RGS20: variants seen among roughly 807,000 people sequenced by gnomAD.
The protein encoded by RGS20 is regulator of G protein signaling 20.
Under a neutral mutation model 33.6 loss-of-function variants are expected in RGS20, and 30 were observed. That is an observed-to-expected ratio of 0.89 (90% CI 0.67 to 1.21). The LOEUF is 1.21. Among genes scored for constraint, RGS20 ranks in the 50% most tolerant of loss-of-function variants. The pLI is 0.00. For synonymous variants in RGS20, 208 were observed against 197.9 expected, an observed-to-expected ratio of 1.05 and a Z score of -0.43; for missense variants, 472 against 502.4, an observed-to-expected ratio of 0.94 and a Z score of 0.58.
chr8:53,859,839 C>T (rs1039155788), intron 1 of RGS20, among the ~76,000 whole-genome samples: 8 of 152,178 alleles, frequency 5.3e-5, no homozygotes, highest in South Asian at 2.1e-4. Context: ...ATAAAGCCGT[C>T]GGATCTCATG....
intron 4 of RGS20, among the ~76,000 whole-genome samples, chr8:53,949,881 C>G (rs2129293215): frequency 6.6e-6 from 1 of 150,998 alleles, no homozygotes; most frequent in South Asian, 2.1e-4. Flanking sequence ...GCTCTGTCAC[C>G]CAGGCTGGAG....
intron 2 of RGS20, among the ~76,000 whole-genome samples, chr8:53,909,649 T>A (rs747646405): frequency 1.3e-5 from 2 of 152,192 alleles, no homozygotes; most frequent in African/African-American, 4.8e-5. Context: ...TATATTAATG[T>A]TCCTATGGCA....
chr8:53,928,103 T>A (rs1217297072), intron 2 of RGS20, among the ~76,000 whole-genome samples: 4 of 152,228 alleles, frequency 2.6e-5, no homozygotes, highest in Non-Finnish European at 5.9e-5. Context: ...TTCAACATTT[T>A]AAAAACTTTA....
In RGS20 at chr8:53,856,508, C is replaced by T. The variant is rs151103763; in HGVS notation, c.165+4444C>T. Among the ~76,000 whole-genome samples the T allele has an allele frequency of 8.5e-3, 1,292 of 152,232 alleles. 7 individuals carry two copies. The highest frequency in any genetic ancestry group is 0.014 in the Non-Finnish European group (923 of 68,000). On this transcript the variant is annotated intron_variant, in intron 1 of 5. Coordinates refer to ENST00000297313, the MANE Select transcript of RGS20 (RefSeq NM_170587.4). The stretch of plus-strand genomic sequence containing the variant: ...TGCTGAGATTACAGGCGTGAGCCAC[C>T]GTGCCCGGCTGATCAGATTTCTTTT...
intron 2 of RGS20, among the ~76,000 whole-genome samples, chr8:53,918,398 C>CTTTTTTTT (rs370307599): frequency 6.0e-5 from 9 of 149,550 alleles, no homozygotes; most frequent in East Asian, 3.9e-4. Flanking sequence ...TTCTTTCTTC[C>CTTTTTTTT]TTTTTTTGAG....
At chr8:53,880,995 GA>G in intron 2 of RGS20, 1 of 1,594,274 alleles carries the variant, frequency 6.3e-7, no homozygotes. Flanking sequence ...CTGCAATATT[GA>G]GAAGGCACCC....
chr8:53,874,898 T>G (rs1182382454), intron 1 of RGS20, among the ~76,000 whole-genome samples: 1 of 152,188 alleles, frequency 6.6e-6, no homozygotes, highest in Non-Finnish European at 1.5e-5. Flanking sequence ...GGACTAGAAT[T>G]TTAATATGTA....
chr8:53,943,840 G>A (rs980597600), intron 3 of RGS20, among the ~76,000 whole-genome samples: 1 of 152,098 alleles, frequency 6.6e-6, no homozygotes, highest in African/African-American at 2.4e-5. Context: ...CATGCAGAGA[G>A]CGTACCACTC....
chr8:53,879,664 G>A (rs1812301720), intron 2 of RGS20: 4 of 1,324,772 alleles, frequency 3.0e-6, no homozygotes, highest in Non-Finnish European at 4.0e-6. Flanking sequence ...AGCCTCTCCC[G>A]ATTCTTCCTA....
chr8:53,874,971 GA>G (rs1812166281), intron 1 of RGS20, among the ~76,000 whole-genome samples: 1 of 152,186 alleles, frequency 6.6e-6, no homozygotes, highest in South Asian at 2.1e-4. Context: ...GAAGTAGTTG[GA>G]TTTGGCCAGA....
intron 3 of RGS20, among the ~76,000 whole-genome samples, chr8:53,944,668 C>G (rs573097630): frequency 1.3e-5 from 2 of 151,962 alleles, no homozygotes; most frequent in East Asian, 1.9e-4. Flanking sequence ...ATAACTGATA[C>G]AAATACAGAA....
At chr8:53,880,771 T>A (rs1585880498) in intron 2 of RGS20, 101 bp from the exon 1 acceptor site, 6 of 1,081,852 alleles carry the variant, frequency 5.5e-6, no homozygotes, top group Non-Finnish European at 7.3e-6. Flanking sequence ...GCCTCGGGGG[T>A]ACCCCTAGCA....
At chr8:53,955,395 T>C (rs1324765559) in intron 5 of RGS20, among the ~76,000 whole-genome samples, 7 of 152,162 alleles carry the variant, frequency 4.6e-5, no homozygotes. Flanking sequence ...ATCTTGATGT[T>C]ATAGAGCAGC....
intron 2 of RGS20, among the ~76,000 whole-genome samples, chr8:53,938,933 T>G (rs923087816): frequency 6.6e-6 from 1 of 152,150 alleles, no homozygotes; most frequent in Non-Finnish European, 1.5e-5. Flanking sequence ...CAGGCCACAG[T>G]CTGGCTCTCC....
At chr8:53,909,995 C>A (rs1180230094) in intron 2 of RGS20, among the ~76,000 whole-genome samples, 1 of 152,060 alleles carries the variant, frequency 6.6e-6, no homozygotes, top group African/African-American at 2.4e-5. Flanking sequence ...GGGACAAATG[C>A]CTTCCTGGGC....
At chr8:53,868,484 G>C (rs535708924) in intron 1 of RGS20, among the ~76,000 whole-genome samples, 1 of 152,188 alleles carries the variant, frequency 6.6e-6, no homozygotes, top group Admixed American at 6.5e-5. Context: ...TTTACTCATC[G>C]AATAGCTGGG....
chr8:53,925,098 A>T (rs946663955), intron 2 of RGS20, among the ~76,000 whole-genome samples: 1 of 152,130 alleles, frequency 6.6e-6, no homozygotes, highest in African/African-American at 2.4e-5. Flanking sequence ...CACTCTGCCC[A>T]TTGATTTACA....
At chr8:53,928,531 C>T (rs1813864624) in intron 2 of RGS20, among the ~76,000 whole-genome samples, 1 of 152,126 alleles carries the variant, frequency 6.6e-6, no homozygotes, top group South Asian at 2.1e-4. Flanking sequence ...TGATAAAAGA[C>T]TTTCATGCTC....
chr8:53,899,402 T>C (rs1812951017), intron 2 of RGS20, among the ~76,000 whole-genome samples: 1 of 152,216 alleles, frequency 6.6e-6, no homozygotes, highest in Admixed American at 6.5e-5. Flanking sequence ...TTCTGTACTT[T>C]TTGGTACTCA....
Sources: allele counts gnomAD v4.1 joint callset (sites outside exome capture counted in the v4.1 genomes callset), GRCh38; gene constraint gnomAD v4.1.1; transcripts MANE v1.5; gene names NCBI Gene and HGNC (gene_info 2026-07-23, HGNC 2026-07-21).